Variants in EPHA3 observed in about 807,000 individuals in gnomAD.
The protein encoded by EPHA3 is EPH receptor A3, also known as ephrin type-A receptor 3.
In EPHA3, 42 loss-of-function variants were observed where a neutral mutation model predicts 107.1. The observed-to-expected ratio is 0.39, with a 90% CI of 0.31 to 0.51. The LOEUF (loss-of-function observed/expected upper bound fraction) is 0.51. EPHA3 is among the 20% of genes least tolerant of loss of function. EPHA3 has a pLI of 0.78. For missense variants in EPHA3, 1,183 were observed against 1,211.2 expected, an observed-to-expected ratio of 0.98 and a Z score of 0.35; for synonymous variants, 461 against 424.8, an observed-to-expected ratio of 1.09 and a Z score of -1.05.
At chr3:89,123,791 C>T (rs556464478) in intron 1 of EPHA3, among the ~76,000 whole-genome samples, 5 of 152,232 alleles carry the variant, frequency 3.3e-5, no homozygotes, top group African/African-American at 1.2e-4. Context: ...CAATTTAAAT[C>T]ACTTTCATTA....
Position 89,202,101 on chromosome 3 carries a change from C to A in EPHA3, c.154-7759C>A, listed in dbSNP as rs79233898. ...ACCTTCCTTCACATGATAATCTTTC[C>A]TTTCTCAATAACTCCTTGCAGTACC... On this transcript the variant is annotated intron_variant, in intron 2 of 16. Transcript: ENST00000336596. Among the ~76,000 whole-genome samples, 165 of 152,120 alleles carry A rather than the reference C, an allele frequency of 1.1e-3. 1 individual carries two copies. In the East Asian group the frequency reaches 0.025, roughly 23 times the overall value.
intron 5 of EPHA3, among the ~76,000 whole-genome samples, chr3:89,377,463 A>G (rs1264804138): frequency 6.6e-6 from 1 of 152,182 alleles, no homozygotes; most frequent in East Asian, 1.9e-4. Flanking sequence ...GTTAACAAAG[A>G]GTAAAAATAC....
chr3:89,274,800 T>G (rs188714980), intron 3 of EPHA3, among the ~76,000 whole-genome samples: 1 of 151,926 alleles, frequency 6.6e-6, no homozygotes, highest in African/African-American at 2.4e-5. Flanking sequence ...ACCAAAAAAT[T>G]TTAAGAAGAT....
Position 89,217,513 on chromosome 3 carries a change from C to T in EPHA3, c.814+6993C>T, listed in dbSNP as rs139380668. 1.0e-3 allele frequency among the ~76,000 whole-genome samples: 158 copies of T among 152,194 alleles called. 1 individual carries two copies. The East Asian group carries it at 0.028, about 27-fold the overall frequency. On this transcript the variant is annotated intron_variant, in intron 3 of 16. Coordinates refer to ENST00000336596, the MANE Select transcript of EPHA3 (RefSeq NM_005233.6). Reference sequence around the variant, plus strand: ...CTGTCCTTTAGAAACACAATCATAACGTGGACATCTAATCGCAGATTCATT... The same window carrying T: ...CTGTCCTTTAGAAACACAATCATAATGTGGACATCTAATCGCAGATTCATT...
At chr3:89,472,745 C>A in intron 16 of EPHA3, 126 bp downstream of exon 16, 1 of 1,114,194 alleles carries the variant, frequency 9.0e-7, no homozygotes, top group Non-Finnish European at 1.3e-6. Flanking sequence ...GAGGTACTGA[C>A]TACCGCCTGG....
chr3:89,312,389 T>G (rs1485443822), intron 3 of EPHA3, among the ~76,000 whole-genome samples: 1 of 151,734 alleles, frequency 6.6e-6, no homozygotes, highest in Non-Finnish European at 1.5e-5. Context: ...GTAGATTTAT[T>G]AAGATTTTCT....
At chr3:89,126,935 A>G (rs1017049287) in intron 1 of EPHA3, among the ~76,000 whole-genome samples, 4 of 151,766 alleles carry the variant, frequency 2.6e-5, no homozygotes, top group African/African-American at 9.7e-5. Flanking sequence ...TAAACCCATA[A>G]TTATTATGCC....
intron 3 of EPHA3, among the ~76,000 whole-genome samples, chr3:89,235,696 A>AT (rs1457658658): frequency 6.6e-6 from 1 of 151,752 alleles, no homozygotes; most frequent in Admixed American, 6.6e-5. Context: ...AAACTACCCT[A>AT]TTTTTTCATA....
intron 5 of EPHA3, among the ~76,000 whole-genome samples, chr3:89,359,780 T>C (rs868488183): frequency 1.4e-5 from 2 of 142,966 alleles, no homozygotes; most frequent in East Asian, 2.0e-4. Context: ...CACATATATA[T>C]ACATATATAT....
At chr3:89,427,999 C>T (rs991473326) in intron 11 of EPHA3, among the ~76,000 whole-genome samples, 8 of 151,732 alleles carry the variant, frequency 5.3e-5, no homozygotes, top group African/African-American at 1.9e-4. Flanking sequence ...TATAATATTA[C>T]GCTGTAACAA....
rs35398953 is a variant in EPHA3, at chr3:89,453,214, G to GA, written c.2690+2853dup. On this transcript the variant is annotated intron_variant, in intron 15 of 16. Transcript: ENST00000336596. ...CTTTACAGCATAGATAGTAATCACA[G>GA]AAAAAAAAAGACTTTACCTATCATA... Among the ~76,000 whole-genome samples, 320 of 149,352 alleles carry GA rather than the reference G, an allele frequency of 2.1e-3. 3 individuals are homozygous for GA. Among genetic ancestry groups the GA allele is most frequent in the African/African-American group, 3.4e-3 (137 of 40,826 alleles).
intron 2 of EPHA3, among the ~76,000 whole-genome samples, chr3:89,157,629 A>C (rs1338659948): frequency 6.6e-6 from 1 of 151,942 alleles, no homozygotes; most frequent in Non-Finnish European, 1.5e-5. Context: ...GCGGGGATAA[A>C]ACCAGGGCAG....
chr3:89,107,647 A>C lies in EPHA3; in HGVS notation c.-102A>C. On this transcript the variant is annotated 5_prime_UTR_variant, in exon 1 of 17. Transcript: ENST00000336596. The stretch of plus-strand genomic sequence containing the variant: ...GTGTCAAACTTGACATCAGCCTGCG[A>C]GCGGAGCATGGTAACTTCTCCAGCA... 1 of 1,082,256 alleles carries C rather than the reference A, an allele frequency of 9.2e-7. No homozygotes were observed. The highest frequency in any genetic ancestry group is 1.4e-6 in the Non-Finnish European group (1 of 720,962). 67.0% of individuals were successfully genotyped at this position (1,082,256 alleles called of 1,614,324 possible). A position where few individuals can be genotyped will look rare whatever the true frequency, so the allele number is the denominator to read the frequency against.
chr3:89,427,339 GT>G (rs1241704536), intron 11 of EPHA3, among the ~76,000 whole-genome samples: 5 of 151,706 alleles, frequency 3.3e-5, no homozygotes, highest in African/African-American at 2.4e-5. Flanking sequence ...AAATCAAAGA[GT>G]TTTTTACACA....
intron 3 of EPHA3, among the ~76,000 whole-genome samples, chr3:89,313,072 A>G (rs927185407): frequency 2.0e-5 from 3 of 151,924 alleles, no homozygotes; most frequent in Non-Finnish European, 4.4e-5. Context: ...TTATAATAAT[A>G]TTATTTGTAT....
chr3:89,173,870 G>A (rs1705260654), intron 2 of EPHA3, among the ~76,000 whole-genome samples: 1 of 151,864 alleles, frequency 6.6e-6, no homozygotes, highest in Non-Finnish European at 1.5e-5. Flanking sequence ...TTCAACATTG[G>A]CTATTGTCTC....
At chr3:89,390,230 T>G (rs1375938728) in intron 5 of EPHA3, among the ~76,000 whole-genome samples, 1 of 152,102 alleles carries the variant, frequency 6.6e-6, no homozygotes, top group Non-Finnish European at 1.5e-5. Flanking sequence ...ACCTCATGAT[T>G]TGCCCACCTC....
chr3:89,382,743 G>T (rs2107487054), intron 5 of EPHA3, among the ~76,000 whole-genome samples: 1 of 152,246 alleles, frequency 6.6e-6, no homozygotes, highest in South Asian at 2.1e-4. Context: ...ACCCTGACAG[G>T]ATTAGGACAG....
chr3:89,260,389 G>C (rs1430968558), intron 3 of EPHA3, among the ~76,000 whole-genome samples: 4 of 152,082 alleles, frequency 2.6e-5, no homozygotes, highest in African/African-American at 9.7e-5. Context: ...TGGGTATGAA[G>C]TGATATCTCA....
Sources: allele counts gnomAD v4.1 joint callset (sites outside exome capture counted in the v4.1 genomes callset), GRCh38; gene constraint gnomAD v4.1.1; transcripts MANE v1.5; gene names NCBI Gene and HGNC (gene_info 2026-07-23, HGNC 2026-07-21).